WDR27: variants seen among roughly 807,000 people sequenced by gnomAD.
WDR27 encodes WD repeat domain 27.
Under a neutral mutation model 114.4 loss-of-function variants are expected in WDR27, and 100 were observed. The ratio of observed to expected loss-of-function variants is 0.87; its 90% CI spans 0.74 to 1.03. The LOEUF (loss-of-function observed/expected upper bound fraction) is 1.03. WDR27 is among the 50% of genes least tolerant of loss of function. The probability of loss-of-function intolerance (pLI) is 0.00; values close to 1 mark genes in which losing one functional copy is unlikely to be tolerated. For synonymous variants in WDR27, 449 were observed against 423.1 expected (o/e 1.06, Z -0.75); for missense variants, 1,129 against 1,092.9 (o/e 1.03, Z -0.47).
chr6:169,575,176 C>T (rs1284796407), intron 24 of WDR27, among the ~76,000 whole-genome samples: 1 of 152,098 alleles, frequency 6.6e-6, no homozygotes, highest in Non-Finnish European at 1.5e-5. Flanking sequence ...CTGCATGAGC[C>T]AATTCACATA....
intron 25 of WDR27, among the ~76,000 whole-genome samples, chr6:169,521,210 C>T (rs1321039268): frequency 1.3e-5 from 2 of 151,816 alleles, no homozygotes; most frequent in Admixed American, 1.3e-4. Flanking sequence ...GGAAACTGTA[C>T]ATGCCAGGAG....
intron 25 of WDR27, among the ~76,000 whole-genome samples, chr6:169,495,908 T>C (rs1181675272): frequency 6.6e-6 from 1 of 152,120 alleles, no homozygotes; most frequent in Non-Finnish European, 1.5e-5. Context: ...AAACACTTCT[T>C]ACCTCATTCT....
At chr6:169,669,976 C>A (rs151120794) in intron 4 of WDR27, 1 of 151,956 alleles carries the variant, frequency 6.6e-6, no homozygotes, top group African/African-American at 2.4e-5. Context: ...GTTGACAAAA[C>A]GACCCCAGGC....
At position 169,636,536 on chromosome 6, in the gene WDR27, T is replaced by C. The variant is rs143362157; in HGVS notation, c.1870-32A>G. 5.7e-5 allele frequency: 89 copies of C among 1,564,286 alleles called. No homozygotes were observed. In the African/African-American group the frequency reaches 1.1e-3, roughly 19 times the overall value. Reference sequence around the variant, plus strand: ...TGCAAATCAGTAATTACTGTCAATATAATAAATGTTAACAAAAACACTATT... The same window carrying C: ...TGCAAATCAGTAATTACTGTCAATACAATAAATGTTAACAAAAACACTATT... On this transcript the variant is annotated intron_variant, in intron 18 of 25. Transcript: ENST00000448612.
intron 25 of WDR27, among the ~76,000 whole-genome samples, chr6:169,508,733 T>C (rs1293254777): frequency 6.6e-6 from 1 of 152,242 alleles, no homozygotes; most frequent in Non-Finnish European, 1.5e-5. Flanking sequence ...TTTACAACAC[T>C]TGTGGAAATG....
chr6:169,473,083 A>G (rs1452919643), intron 25 of WDR27, among the ~76,000 whole-genome samples: 1 of 152,270 alleles, frequency 6.6e-6, no homozygotes, highest in Non-Finnish European at 1.5e-5. Context: ...TTCTATTTCC[A>G]AACTCTTGAA....
chr6:169,438,193 C>A, the WDR27 span, among the ~76,000 whole-genome samples: 1 of 150,804 alleles, frequency 6.6e-6, no homozygotes, highest in Non-Finnish European at 1.5e-5. Context: ...CTAAGTTGTT[C>A]TACGCAACCA....
At position 169,684,294 on chromosome 6, in the gene WDR27, C is replaced by G. The variant is rs1210221873; in HGVS notation, c.189+4523G>C. 1.3e-5 allele frequency among the ~76,000 whole-genome samples: 2 copies of G among 152,150 alleles called. No homozygotes were observed. The highest frequency in any genetic ancestry group is 3.8e-4 in the East Asian group (2 of 5,196). ...AACAGATGATTCACCCCTGGGCCAG[C>G]AGAGTTGCTAAACACCTGTGCTCAG... On this transcript the variant is annotated intron_variant, in intron 2 of 25. Transcript: ENST00000448612. The surrounding 1 kb of genome is among the most constrained non-coding windows in gnomAD (Gnocchi z 4.3).
chr6:169,596,265 T>A (rs1212428560), intron 23 of WDR27, among the ~76,000 whole-genome samples: 1 of 152,128 alleles, frequency 6.6e-6, no homozygotes, highest in East Asian at 1.9e-4. Flanking sequence ...GAATCTCTTT[T>A]ACCGAACTTC....
intron 25 of WDR27, among the ~76,000 whole-genome samples, chr6:169,564,840 C>T (rs1372695134): frequency 4.4e-5 from 6 of 137,206 alleles, no homozygotes; most frequent in Admixed American, 1.6e-4. Context: ...CCTTGATGTG[C>T]CTCAGGTAAC....
At chr6:169,655,563 GAAT>G (rs1031003302) in intron 13 of WDR27, among the ~76,000 whole-genome samples, 1 of 152,102 alleles carries the variant, frequency 6.6e-6, no homozygotes, top group African/African-American at 2.4e-5. Flanking sequence ...ACTTAAGAAA[GAAT>G]ATTACTCTAC....
intron 25 of WDR27, among the ~76,000 whole-genome samples, chr6:169,567,975 C>T (rs1430730055): frequency 6.6e-6 from 1 of 152,212 alleles, no homozygotes; most frequent in African/African-American, 2.4e-5. Flanking sequence ...GCTGAGAACA[C>T]AGCGCAGAAA....
At chr6:169,468,053 T>G (rs1329444442) in intron 25 of WDR27, among the ~76,000 whole-genome samples, 2 of 152,156 alleles carry the variant, frequency 1.3e-5, no homozygotes, top group Non-Finnish European at 2.9e-5. Context: ...GTTCCATAGA[T>G]CTCTAGGGCA....
At chr6:169,633,786 T>C (rs1389793273) in intron 20 of WDR27, among the ~76,000 whole-genome samples, 3 of 152,212 alleles carry the variant, frequency 2.0e-5, no homozygotes, top group Non-Finnish European at 4.4e-5. Flanking sequence ...TAATGACATA[T>C]TTCTTATTTC....
At chr6:169,565,228 C>T (rs1348585049) in intron 25 of WDR27, among the ~76,000 whole-genome samples, 6 of 152,148 alleles carry the variant, frequency 3.9e-5, no homozygotes, top group South Asian at 2.1e-4. Context: ...GTGCTTCTGC[C>T]GAGACTGAAG....
intron 21 of WDR27, among the ~76,000 whole-genome samples, chr6:169,632,134 G>A (rs1404028026): frequency 1.3e-5 from 2 of 149,768 alleles, no homozygotes; most frequent in African/African-American, 4.9e-5. Flanking sequence ...GTTGCAGTGA[G>A]CCGAGATAGT....
chr6:169,471,618 T>G (rs1488726036), intron 25 of WDR27, among the ~76,000 whole-genome samples: 3 of 152,192 alleles, frequency 2.0e-5, no homozygotes, highest in Non-Finnish European at 4.4e-5. Context: ...GTATGACAAA[T>G]GTTCTAGCCT....
At chr6:169,651,512 CAG>C (rs1822548944) in intron 14 of WDR27, among the ~76,000 whole-genome samples, 2 of 152,028 alleles carry the variant, frequency 1.3e-5, no homozygotes, top group Admixed American at 6.5e-5. Flanking sequence ...CTCAGGGACT[CAG>C]GGCCTAAATG....
rs1199110824 is a variant in WDR27 at position 169,597,877 on chromosome 6, T to TTCATACACACACACACAC, written c.2424+4341_2424+4342insGTGTGTGTGTGTGTATGA. ...GCACAACTTCACCTCTTACCATTCA[T>TTCATACACACACACACAC]ACACACACACACACACACACACACA... On this transcript the variant is annotated intron_variant, in intron 23 of 25. Transcript: ENST00000448612. Among the ~76,000 whole-genome samples the TTCATACACACACACACAC allele has an allele frequency of 6.3e-5, 9 of 142,290 alleles. No homozygotes were observed. In the East Asian group the frequency reaches 1.3e-3, roughly 21 times the overall value. The allele number at this position is 142,290 out of a possible 152,430, so 93.3% of individuals were successfully genotyped here.
Sources: allele counts gnomAD v4.1 joint callset (sites outside exome capture counted in the v4.1 genomes callset), GRCh38; gene constraint gnomAD v4.1.1; non-coding constraint Gnocchi (gnomAD v3.1); transcripts MANE v1.5; gene names NCBI Gene and HGNC (gene_info 2026-07-23, HGNC 2026-07-21).